LYPLAL1: variants seen among roughly 807,000 people sequenced by gnomAD.
LYPLAL1 encodes the protein lysophospholipase-like protein 1.
Under a neutral mutation model 19.7 loss-of-function variants are expected in LYPLAL1, and 23 were observed. That is an observed-to-expected ratio of 1.17 (90% CI 0.84 to 1.65). LYPLAL1 has a LOEUF of 1.65. Among genes scored for constraint, LYPLAL1 ranks in the 40% most tolerant of loss-of-function variants. The probability of loss-of-function intolerance (pLI) is 0.00; values close to 1 mark genes in which losing one functional copy is unlikely to be tolerated. For synonymous variants in LYPLAL1, 119 were observed against 96.3 expected (o/e 1.24, Z -1.38); for missense variants, 355 against 279.4 (o/e 1.27, Z -1.93).
the LYPLAL1 span, among the ~76,000 whole-genome samples, chr1:219,259,412 T>C: frequency 4.2e-5 from 3 of 72,072 alleles, no homozygotes; most frequent in African/African-American, 1.4e-4. Context: ...TATATACATA[T>C]ATATATATAT....
chr1:219,269,583 G>C, the LYPLAL1 span, among the ~76,000 whole-genome samples: 2 of 152,082 alleles, frequency 1.3e-5, no homozygotes, highest in African/African-American at 4.8e-5. Flanking sequence ...ATTTTTCTTT[G>C]TGCTTTACAT....
In LYPLAL1 at chr1:219,211,674, A is replaced by T. The variant is rs752128514; in HGVS notation, c.660A>T (p.Ile220=). Residue 220 remains isoleucine, a synonymous_variant, in exon 5 of 5, where the codon ATA becomes ATT. Transcript: ENST00000366928. ...AGCTAAGCAAAACTGAGTTAGACAT[A>T]TTGAAGTTATGGATTCTTACAAAGC... ...YHELSKTELD[I]LKLWILTKLP... 1.2e-6 allele frequency: 2 copies of T among 1,612,736 alleles called. No homozygotes were observed. Among genetic ancestry groups the T allele is most frequent in the Non-Finnish European group, 1.7e-6 (2 of 1,179,392 alleles).
At chr1:219,376,987 C>A in the LYPLAL1 span, among the ~76,000 whole-genome samples, 2 of 152,104 alleles carry the variant, frequency 1.3e-5, no homozygotes, top group African/African-American at 4.8e-5. Context: ...TGGGTATATA[C>A]CCCAAAGAAT....
At chr1:219,314,702 G>A in the LYPLAL1 span, among the ~76,000 whole-genome samples, 2 of 152,330 alleles carry the variant, frequency 1.3e-5, no homozygotes, top group South Asian at 4.1e-4. Flanking sequence ...AAAGTGCAGG[G>A]ATTACAGGCA....
intron 3 of LYPLAL1, among the ~76,000 whole-genome samples, chr1:219,198,299 T>G (rs903270918): frequency 2.6e-5 from 4 of 152,034 alleles, no homozygotes; most frequent in Admixed American, 2.6e-4. Flanking sequence ...AAAAAAACTA[T>G]TATTAAACAT....
At chr1:219,219,883 C>A in the LYPLAL1 span, among the ~76,000 whole-genome samples, 8 of 152,056 alleles carry the variant, frequency 5.3e-5, no homozygotes, top group African/African-American at 1.9e-4. Flanking sequence ...GCCTAGCAGT[C>A]AAATTTAATT....
At chr1:219,286,380 A>G in the LYPLAL1 span, among the ~76,000 whole-genome samples, 9 of 152,346 alleles carry the variant, frequency 5.9e-5, no homozygotes, top group African/African-American at 2.2e-4. Context: ...TTTCAAAACA[A>G]ACAATCTATC....
the LYPLAL1 span, among the ~76,000 whole-genome samples, chr1:219,299,921 C>T: frequency 1.3e-5 from 2 of 151,844 alleles, no homozygotes; most frequent in Admixed American, 6.6e-5. Flanking sequence ...GATAACCAGT[C>T]GGAAGCAGCC....
At chr1:219,443,210 T>C in the LYPLAL1 span, among the ~76,000 whole-genome samples, 1 of 152,184 alleles carries the variant, frequency 6.6e-6, no homozygotes, top group African/African-American at 2.4e-5. Context: ...CTTTAAGAAG[T>C]CAACCTACCT....
the LYPLAL1 span, among the ~76,000 whole-genome samples, chr1:219,237,666 T>A: frequency 6.6e-6 from 1 of 152,240 alleles, no homozygotes; most frequent in Admixed American, 6.5e-5. Flanking sequence ...TTTGTTTTGT[T>A]TTTTTCAAAT....
At chr1:219,252,381 G>A in the LYPLAL1 span, among the ~76,000 whole-genome samples, 28 of 152,074 alleles carry the variant, frequency 1.8e-4, no homozygotes, top group South Asian at 1.2e-3. Context: ...GAAGACTTCT[G>A]GCTTTTGCCC....
At chr1:219,258,368 G>C in the LYPLAL1 span, among the ~76,000 whole-genome samples, 1 of 152,010 alleles carries the variant, frequency 6.6e-6, no homozygotes, top group Non-Finnish European at 1.5e-5. Flanking sequence ...TAAGAGTATT[G>C]TTAGGGAAGT....
the LYPLAL1 span, among the ~76,000 whole-genome samples, chr1:219,336,149 A>G: frequency 6.6e-6 from 1 of 151,670 alleles, no homozygotes; most frequent in Non-Finnish European, 1.5e-5. Context: ...TTGATGTCCC[A>G]TGATATCCCC....
the LYPLAL1 span, among the ~76,000 whole-genome samples, chr1:219,417,013 G>T: frequency 6.6e-6 from 1 of 152,288 alleles, no homozygotes; most frequent in African/African-American, 2.4e-5. Context: ...AAATTGATTT[G>T]TCACTTATTA....
the LYPLAL1 span, among the ~76,000 whole-genome samples, chr1:219,356,492 GC>G: frequency 3.9e-5 from 6 of 152,100 alleles, no homozygotes; most frequent in Non-Finnish European, 8.8e-5. Flanking sequence ...AGAGTGATAT[GC>G]CGTCTCAACA....
chr1:219,413,156 A>G, the LYPLAL1 span, among the ~76,000 whole-genome samples: 2 of 152,216 alleles, frequency 1.3e-5, no homozygotes, highest in Admixed American at 1.3e-4. Flanking sequence ...AAAAAATGGA[A>G]GGTTGGGGCT....
At chr1:219,326,263 C>T in the LYPLAL1 span, among the ~76,000 whole-genome samples, 1 of 107,504 alleles carries the variant, frequency 9.3e-6, no homozygotes, top group Non-Finnish European at 1.7e-5. Flanking sequence ...CTGAAATTTC[C>T]ATTTTGTTAG....
Position 219,210,661 on chromosome 1 carries a change from T to TA in LYPLAL1, c.477+14_477+15insA. 6.3e-7 allele frequency: 1 copy of TA among 1,589,646 alleles called. No homozygotes were observed. Among genetic ancestry groups the TA allele is most frequent in the Non-Finnish European group, 8.5e-7 (1 of 1,171,330 alleles). On this transcript the variant is annotated intron_variant, in intron 4 of 4. Transcript: ENST00000366928. ...GCTGTTTACCAGGTAAGTTCCAGAT[T>TA]TAAAAAAAAATGAAAAAAATATGAA...
chr1:219,234,819 G>C, the LYPLAL1 span, among the ~76,000 whole-genome samples: 2 of 152,206 alleles, frequency 1.3e-5, no homozygotes, highest in East Asian at 3.9e-4. Flanking sequence ...TCAATCGAGT[G>C]CACATTGAGC....
Sources: gnomAD v4.1 joint callset for allele counts (sites outside exome capture counted in the v4.1 genomes callset) on GRCh38, gnomAD v4.1.1 for gene constraint, MANE v1.5 for transcripts, NCBI Gene and HGNC (gene_info 2026-07-23, HGNC 2026-07-21) for gene names.